The following ZNF608 variants were observed in gnomAD, a reference collection of about 807,000 sequenced individuals.
ZNF608 encodes the protein zinc finger protein 608.
In ZNF608, 12 loss-of-function variants were observed where a neutral mutation model predicts 109.0. The observed-to-expected ratio is 0.11, with a 90% CI of 0.07 to 0.18. The LOEUF (loss-of-function observed/expected upper bound fraction) is 0.18, where lower values mean the gene tolerates loss of function less well. ZNF608 is among the 10% of genes least tolerant of loss of function. The pLI is 1.00. For synonymous variants in ZNF608, 732 were observed against 717.4 expected, an observed-to-expected ratio of 1.02 and a Z score of -0.33; for missense variants, 1,707 against 1,879.3, an observed-to-expected ratio of 0.91 and a Z score of 1.70.
intron 3 of ZNF608, among the ~76,000 whole-genome samples, chr5:124,656,583 A>G (rs935450624): frequency 6.6e-6 from 1 of 152,160 alleles, no homozygotes. Flanking sequence ...CCCAATCCAC[A>G]TACAACGACA....
intron 2 of ZNF608, among the ~76,000 whole-genome samples, chr5:124,728,580 G>A (rs945646697): frequency 3.3e-5 from 5 of 152,124 alleles, no homozygotes; most frequent in South Asian, 2.1e-4. Context: ...GCTTATCTTC[G>A]TTACCATGCA....
chr5:124,649,965 A>G (rs1279852310), intron 3 of ZNF608, among the ~76,000 whole-genome samples: 1 of 152,236 alleles, frequency 6.6e-6, no homozygotes, highest in African/African-American at 2.4e-5. Flanking sequence ...GATACTGCTG[A>G]CAGAAGGAAA....
At chr5:124,639,335 G>T in intron 8 of ZNF608, 121 bp from the exon 9 acceptor site, 1 of 764,452 alleles carries the variant, frequency 1.3e-6, no homozygotes, top group Non-Finnish European at 2.3e-6. Flanking sequence ...ACACACACAT[G>T]AACTGTTTCA....
intron 2 of ZNF608, among the ~76,000 whole-genome samples, chr5:124,740,511 GA>G (rs5871103): frequency 1.7e-4 from 24 of 144,140 alleles, no homozygotes; most frequent in East Asian, 2.0e-4. Flanking sequence ...CACTATATTT[GA>G]AAAAAAAAAA....
At chr5:124,745,651 G>A (rs1749613322) in intron 1 of ZNF608, among the ~76,000 whole-genome samples, 1 of 152,116 alleles carries the variant, frequency 6.6e-6, no homozygotes, top group Non-Finnish European at 1.5e-5. Context: ...CTAGTTTTCA[G>A]AATAGAATGT....
At chr5:124,637,998 T>A in intron 9 of ZNF608, 92 bp from the exon 10 acceptor site, 1 of 1,431,382 alleles carries the variant, frequency 7.0e-7, no homozygotes, top group Non-Finnish European at 9.8e-7. Context: ...TTGCCCAGGC[T>A]AGAGTGCCAT....
intron 2 of ZNF608, among the ~76,000 whole-genome samples, chr5:124,713,936 T>TA (rs1180295514): frequency 4.6e-5 from 7 of 152,078 alleles, no homozygotes; most frequent in Admixed American, 3.9e-4. Flanking sequence ...CTAACTCTCT[T>TA]AAAAAAACCT....
chr5:124,678,869 A>G (rs1752075722), intron 3 of ZNF608, among the ~76,000 whole-genome samples: 2 of 152,186 alleles, frequency 1.3e-5, no homozygotes, highest in South Asian at 2.1e-4. Flanking sequence ...CCATTAAGTC[A>G]GAAAAGTCCT....
At chr5:124,713,176 T>C (rs1580678798) in intron 2 of ZNF608, among the ~76,000 whole-genome samples, 1 of 152,220 alleles carries the variant, frequency 6.6e-6, no homozygotes, top group Admixed American at 6.5e-5. Context: ...TACTCTTCTA[T>C]CTTTATGTTC....
At chr5:124,746,694 A>G, upstream of ZNF608, 1 of 985,320 alleles carries the variant, frequency 1.0e-6, no homozygotes, top group Non-Finnish European at 1.2e-6. Flanking sequence ...AAAGAATAAG[A>G]AGAAAGGACT....
chr5:124,700,518 G>A (rs1205437721), intron 3 of ZNF608, among the ~76,000 whole-genome samples: 1 of 152,188 alleles, frequency 6.6e-6, no homozygotes, highest in Non-Finnish European at 1.5e-5. Context: ...TTAAGTCTTT[G>A]GCCCTGGCCT....
chr5:124,669,909 A>G (rs1469526126), intron 3 of ZNF608, among the ~76,000 whole-genome samples: 1 of 152,242 alleles, frequency 6.6e-6, no homozygotes, highest in East Asian at 1.9e-4. Flanking sequence ...AACTGTGTTG[A>G]GTTTTCCCAG....
At position 124,643,393 on chromosome 5, in the gene ZNF608, A is replaced by G. The variant is rs1425740659; in HGVS notation, c.4296+118T>C. ...CATTCTTTACGTATTAGGATAAAAC[A>G]GCATCCTGAAATCACAGCTGGGTTC... On this transcript the variant is annotated intron_variant, in intron 7 of 9. Transcript: ENST00000513986. The G allele has an allele frequency of 3.2e-6, 3 of 936,540 alleles. No homozygotes were observed. In the African/African-American group the frequency reaches 4.9e-5, roughly 15 times the overall value. The allele number at this position is 936,540 out of a possible 1,614,324, so 58.0% of individuals were successfully genotyped here. A position where few individuals can be genotyped will look rare whatever the true frequency, so the allele number is the denominator to read the frequency against.
intron 3 of ZNF608, among the ~76,000 whole-genome samples, chr5:124,692,344 C>T (rs1055504825): frequency 2.6e-5 from 4 of 152,200 alleles, no homozygotes; most frequent in African/African-American, 9.7e-5. Context: ...ATTTATTCAA[C>T]ATTCAACAAA....
upstream of ZNF608, chr5:124,746,770 T>C (rs1205971630): frequency 1.0e-6 from 1 of 984,916 alleles, no homozygotes; most frequent in Non-Finnish European, 1.2e-6. Flanking sequence ...CCTGACAGAT[T>C]TGATTTCTTG....
intron 3 of ZNF608, among the ~76,000 whole-genome samples, chr5:124,687,936 C>A (rs1157006643): frequency 6.6e-6 from 1 of 152,050 alleles, no homozygotes; most frequent in Non-Finnish European, 1.5e-5. Flanking sequence ...CTTGGGCATG[C>A]CAGGGAAAAC....
chr5:124,730,016 T>C (rs1414522836), intron 2 of ZNF608, among the ~76,000 whole-genome samples: 2 of 152,242 alleles, frequency 1.3e-5, no homozygotes, highest in African/African-American at 4.8e-5. Flanking sequence ...ATTAGTATTA[T>C]TCCTTAGATC....
chr5:124,702,421 T>C (rs2089549721), intron 2 of ZNF608, among the ~76,000 whole-genome samples: 1 of 118,638 alleles, frequency 8.4e-6, no homozygotes, highest in African/African-American at 3.1e-5. Context: ...AATATTATCT[T>C]ATTCTGCTGT....
intron 3 of ZNF608, among the ~76,000 whole-genome samples, chr5:124,651,319 G>C (rs558239707): frequency 6.6e-6 from 1 of 152,354 alleles, no homozygotes; most frequent in Non-Finnish European, 1.5e-5. Flanking sequence ...CTTCAGGAAA[G>C]GGGAGGGGGT....
Sources: allele counts gnomAD v4.1 joint callset (sites outside exome capture counted in the v4.1 genomes callset), GRCh38; gene constraint gnomAD v4.1.1; transcripts MANE v1.5; gene names NCBI Gene and HGNC (gene_info 2026-07-23, HGNC 2026-07-21).